ADARB2: variants seen among roughly 807,000 people sequenced by gnomAD.
The protein encoded by ADARB2 is inactive double-stranded RNA-specific editase B2.
A neutral mutation model predicts 62.2 loss-of-function variants in ADARB2; 25 were observed. The observed-to-expected ratio is 0.40, with a 90% CI of 0.29 to 0.56. The LOEUF is 0.56. Ranked by LOEUF, ADARB2 falls within the 20% of genes least tolerant of loss-of-function variation. The probability of loss-of-function intolerance (pLI) is 0.43; values close to 1 mark genes in which losing one functional copy is unlikely to be tolerated. For missense variants in ADARB2, 1,071 were observed against 1,077.4 expected (o/e 0.99, Z 0.08); for synonymous variants, 572 against 500.8 (o/e 1.14, Z -1.90).
chr10:1,543,024 G>A (rs935824791), intron 1 of ADARB2, among the ~76,000 whole-genome samples: 1 of 152,268 alleles, frequency 6.6e-6, no homozygotes, highest in African/African-American at 2.4e-5. Flanking sequence ...TCCACTTGCA[G>A]CTCCGCGCTG....
At chr10:1,675,679 G>C (rs182233083) in intron 1 of ADARB2, among the ~76,000 whole-genome samples, 1 of 150,558 alleles carries the variant, frequency 6.6e-6, no homozygotes, top group African/African-American at 2.4e-5. Context: ...GGGTTTGGGG[G>C]TTCATGGATG....
intron 1 of ADARB2, among the ~76,000 whole-genome samples, chr10:1,681,497 C>T (rs1050648082): frequency 6.2e-5 from 9 of 146,212 alleles, no homozygotes; most frequent in Middle Eastern, 6.9e-3. Context: ...AAAAAAAAAA[C>T]CCTAAACCAG....
At chr10:1,566,063 CAAAAAAAAAAAAAAAAAAAAAAAAAAAA>C (rs376967105) in intron 1 of ADARB2, among the ~76,000 whole-genome samples, 44 of 128,054 alleles carry the variant, frequency 3.4e-4, no homozygotes, top group Middle Eastern at 4.1e-3. Context: ...CTCAGTCTAG[CAAAAAAAAAAAAAAAAAAAAAAAAAAAA>C]AAAAAAAAAA....
chr10:1,387,045 A>G (rs147260221), intron 1 of ADARB2, among the ~76,000 whole-genome samples: 139 of 152,070 alleles, frequency 9.1e-4, no homozygotes, highest in African/African-American at 3.2e-3. Context: ...ATCACAGGAA[A>G]ATTAAAGCCT....
intron 3 of ADARB2, among the ~76,000 whole-genome samples, chr10:1,296,116 G>A (rs1831521020): frequency 6.6e-6 from 1 of 152,164 alleles, no homozygotes; most frequent in Admixed American, 6.5e-5. Context: ...ATGTGCCAGG[G>A]TCCAAGTCCA....
At chr10:1,312,649 G>A (rs1048435834) in intron 3 of ADARB2, among the ~76,000 whole-genome samples, 3 of 152,204 alleles carry the variant, frequency 2.0e-5, no homozygotes, top group African/African-American at 7.2e-5. Flanking sequence ...GCGCTGCCAC[G>A]TTTCCCATTT....
rs1210180634 is a variant in ADARB2, at chr10:1,220,277, T to TGGTG, written c.1514-3159_1514-3158insCACC. On this transcript the variant is annotated intron_variant, in intron 6 of 9. Coordinates refer to ENST00000381312, the MANE Select transcript of ADARB2 (RefSeq NM_018702.4). ...GTGGTGATGATGGTGGTGATGATGG[T>TGGTG]AATGGTGATGGTGGTGGTGATGGTG... Among the ~76,000 whole-genome samples the TGGTG allele has an allele frequency of 3.7e-4, 49 of 134,088 alleles. 1 individual carries two copies. The highest frequency in any genetic ancestry group is 2.7e-3 in the Admixed American group (34 of 12,628). The allele number at this position is 134,088 out of a possible 152,430, so 88.0% of individuals were successfully genotyped here.
At chr10:1,678,202 G>C (rs1212138220) in intron 1 of ADARB2, 1 of 985,252 alleles carries the variant, frequency 1.0e-6, no homozygotes, top group East Asian at 1.1e-4. Flanking sequence ...CAGGACCTCA[G>C]GGTGAGTGGC....
intron 1 of ADARB2, among the ~76,000 whole-genome samples, chr10:1,597,034 G>C (rs1219836525): frequency 6.6e-6 from 1 of 152,116 alleles, no homozygotes; most frequent in Non-Finnish European, 1.5e-5. Context: ...ACTCAAGAAA[G>C]TTCACTAGAA....
chr10:1,574,630 G>A (rs539990887), intron 1 of ADARB2, among the ~76,000 whole-genome samples: 3 of 152,120 alleles, frequency 2.0e-5, no homozygotes, highest in African/African-American at 4.8e-5. Context: ...GTGTCCTCAC[G>A]GGGTCCTCCC....
chr10:1,688,073 T>C (rs1283662703), intron 1 of ADARB2, among the ~76,000 whole-genome samples: 1 of 152,186 alleles, frequency 6.6e-6, no homozygotes, highest in Non-Finnish European at 1.5e-5. Flanking sequence ...TAAAACAATA[T>C]AACCAAAAAG....
At chr10:1,701,132 C>T (rs1834815141) in intron 1 of ADARB2, among the ~76,000 whole-genome samples, 1 of 3,156 alleles carries the variant, frequency 3.2e-4, no homozygotes, top group African/African-American at 3.5e-4. Context: ...CGGGCACTCG[C>T]CAATACACAC....
intron 3 of ADARB2, among the ~76,000 whole-genome samples, chr10:1,300,408 C>T (rs1312078369): frequency 1.3e-5 from 2 of 152,204 alleles, no homozygotes; most frequent in South Asian, 2.1e-4. Flanking sequence ...ACGCCCCCCA[C>T]ACCACCTCTC....
At chr10:1,310,921 C>T (rs1440554904) in intron 3 of ADARB2, among the ~76,000 whole-genome samples, 5 of 152,188 alleles carry the variant, frequency 3.3e-5, no homozygotes, top group Admixed American at 6.5e-5. Context: ...ATGCAAATTA[C>T]GTATATTTCA....
intron 1 of ADARB2, among the ~76,000 whole-genome samples, chr10:1,522,242 G>A (rs948741357): frequency 5.3e-5 from 8 of 152,264 alleles, no homozygotes; most frequent in African/African-American, 1.9e-4. Context: ...TGAAGTAGCT[G>A]CTAGTAACAG....
chr10:1,625,713 C>T (rs970336125), intron 1 of ADARB2, among the ~76,000 whole-genome samples: 1 of 152,178 alleles, frequency 6.6e-6, no homozygotes, highest in African/African-American at 2.4e-5. Context: ...GAATGACAGC[C>T]TCCACAGATC....
intron 1 of ADARB2, among the ~76,000 whole-genome samples, chr10:1,589,645 C>T (rs1256254352): frequency 2.6e-5 from 4 of 152,220 alleles, no homozygotes; most frequent in African/African-American, 9.6e-5. Flanking sequence ...GGCTGCTTGT[C>T]CCCCATCCCA....
intron 1 of ADARB2, among the ~76,000 whole-genome samples, chr10:1,451,620 C>A (rs1346497836): frequency 6.6e-6 from 1 of 151,680 alleles, no homozygotes; most frequent in Admixed American, 6.6e-5. Flanking sequence ...AGGGGACACA[C>A]CTTCCTGAGA....
chr10:1,693,205 G>A (rs1169145585), intron 1 of ADARB2, among the ~76,000 whole-genome samples: 1 of 152,162 alleles, frequency 6.6e-6, no homozygotes, highest in African/African-American at 2.4e-5. Context: ...AAAAGCCTGG[G>A]GTTTCTGACC....
Sources: allele counts gnomAD v4.1 joint callset (sites outside exome capture counted in the v4.1 genomes callset), GRCh38; gene constraint gnomAD v4.1.1; transcripts MANE v1.5; gene names NCBI Gene and HGNC (gene_info 2026-07-23, HGNC 2026-07-21).